Variants in ZNF618 observed in about 807,000 individuals in gnomAD.
The protein encoded by ZNF618 is neural precursor cell expressed, developmentally down-regulated 10.
ZNF618 carries 34 observed loss-of-function variants against 103.0 expected under a neutral mutation model. The observed-to-expected ratio is 0.33, with a 90% confidence interval of 0.25 to 0.44. The LOEUF (loss-of-function observed/expected upper bound fraction) is 0.44. ZNF618 is among the 20% of genes least tolerant of loss of function. ZNF618 has a pLI of 1.00. For missense variants in ZNF618, 1,059 were observed against 1,295.4 expected, an observed-to-expected ratio of 0.82 and a Z score of 2.80; for synonymous variants, 551 against 542.2, an observed-to-expected ratio of 1.02 and a Z score of -0.23.
chr9:114,010,352 A>G (rs949055538), intron 9 of ZNF618, among the ~76,000 whole-genome samples: 1 of 151,946 alleles, frequency 6.6e-6, no homozygotes, highest in African/African-American at 2.4e-5. Flanking sequence ...TCAGTGCTCA[A>G]ATACGAGAAG....
intron 1 of ZNF618, among the ~76,000 whole-genome samples, chr9:113,916,039 A>C (rs541338789): frequency 6.6e-6 from 1 of 151,880 alleles, no homozygotes; most frequent in East Asian, 1.9e-4. Context: ...TTGTGCTGAC[A>C]AAGGTGGGCC....
Position 113,998,269 on chromosome 9 carries a change from G to A in ZNF618, c.348G>A (p.Ala116=), listed in dbSNP as rs977285433. 3.4e-5 allele frequency: 53 copies of A among 1,550,398 alleles called. No homozygotes were observed. Among genetic ancestry groups the A allele is most frequent in the Non-Finnish European group, 4.0e-5 (46 of 1,146,972 alleles). ...VRNQQTLDGK[A]PEGSPHGGSV... ...TCTTACGTAATTCAGATGGAAAAGC[G>A]CCCGAAGGCAGCCCCCACGGTGGAT... Residue 116 remains alanine, a synonymous_variant, in exon 4 of 15, where the codon GCG becomes GCA. Transcript: ENST00000374126.
At position 114,000,584 on chromosome 9, in the gene ZNF618, C is replaced by G. The variant is rs557046213; in HGVS notation, c.434-1412C>G. 8.7e-5 allele frequency among the ~76,000 whole-genome samples: 7 copies of G among 80,358 alleles called. No homozygotes were observed. The East Asian group carries it at 3.8e-3, about 44-fold the overall frequency. 52.7% of individuals were successfully genotyped at this position (80,358 alleles called of 152,430 possible). A position where few individuals can be genotyped will look rare whatever the true frequency, so the allele number is the denominator to read the frequency against. Reference sequence around the variant, plus strand: ...GACCCAGGAAAACCAAAAGGTTGGACCCCCCTGAGCTAAGGGATAGCAGAG... The same window carrying G: ...GACCCAGGAAAACCAAAAGGTTGGAGCCCCCTGAGCTAAGGGATAGCAGAG... On this transcript the variant is annotated intron_variant, in intron 4 of 14. Transcript: ENST00000374126.
intron 1 of ZNF618, among the ~76,000 whole-genome samples, chr9:113,925,490 G>A (rs778435890): frequency 2.7e-5 from 4 of 146,732 alleles, no homozygotes; most frequent in Non-Finnish European, 6.0e-5. Flanking sequence ...CTTTTTATTG[G>A]CATTTAGACC....
intron 10 of ZNF618, among the ~76,000 whole-genome samples, chr9:114,021,882 ATTTT>A: frequency 6.6e-6 from 1 of 152,186 alleles, no homozygotes; most frequent in Middle Eastern, 3.4e-3. Context: ...CTGCATAATT[ATTTT>A]GAGATTCATC....
chr9:113,988,210 C>A (rs1219125885), intron 2 of ZNF618, 111 bp from the exon 3 acceptor site: 1 of 1,411,908 alleles, frequency 7.1e-7, no homozygotes, highest in Non-Finnish European at 9.3e-7. Flanking sequence ...GCCGGGGGCC[C>A]TAGAATTCAC....
intron 1 of ZNF618, among the ~76,000 whole-genome samples, chr9:113,881,250 G>A (rs1412287197): frequency 1.3e-5 from 2 of 152,166 alleles, no homozygotes; most frequent in Non-Finnish European, 2.9e-5. Flanking sequence ...CAAAAACACA[G>A]TCTGTATTTT....
intron 1 of ZNF618, among the ~76,000 whole-genome samples, chr9:113,951,702 G>C (rs1441140347): frequency 6.6e-6 from 1 of 151,628 alleles, no homozygotes; most frequent in Non-Finnish European, 1.5e-5. Context: ...GGCCTCTTGA[G>C]TACATAGTGG....
In ZNF618 at chr9:114,049,400, T is replaced by A; in HGVS notation, c.2098T>A (p.Ser700Thr). ...ACCCTGCTGGAACTCGGTGACGGAC[T>A]CACTGTTGCTGGTGCATGAGCGCTA... ...PPPCWNSVTD[S>T]LLLVHERYEQ... is the part of the protein sequence containing the mutation. The change falls in exon 15 of 15, where the codon TCA (serine) becomes ACA (threonine). Residue 700 changes from serine (S) to threonine (T), a missense_variant. Around this residue, in one of 6 missense-constraint regions of ZNF618, gnomAD observed 272 missense variants for 380.1 expected, o/e 0.72. Transcript: ENST00000374126. The A allele has an allele frequency of 1.2e-6, 2 of 1,603,872 alleles. No individual in the cohort carries two copies. The highest frequency in any genetic ancestry group is 1.7e-6 in the Non-Finnish European group (2 of 1,175,414).
chr9:113,946,952 C>T (rs1238506956), intron 1 of ZNF618, among the ~76,000 whole-genome samples: 1 of 152,132 alleles, frequency 6.6e-6, no homozygotes, highest in Admixed American at 6.5e-5. Flanking sequence ...TGAGGTGGTT[C>T]TGGGAAAGCC....
intron 1 of ZNF618, among the ~76,000 whole-genome samples, chr9:113,954,599 C>T (rs1185493981): frequency 1.3e-5 from 2 of 152,186 alleles, no homozygotes; most frequent in Admixed American, 6.5e-5. Flanking sequence ...CTCAGGTGGA[C>T]TCTTTGGTTA....
intron 1 of ZNF618, among the ~76,000 whole-genome samples, chr9:113,951,501 A>ACACATGTATGTGTGTGTG (rs1835697857): frequency 8.5e-5 from 6 of 70,842 alleles, no homozygotes; most frequent in Non-Finnish European, 2.9e-5. Context: ...GTGTATGTGT[A>ACACATGTATGTGTGTGTG]CACATATATG....
chr9:114,054,984 A>C lies in ZNF618; in HGVS notation c.*4817A>C, dbSNP rs966640554. 5 of 128,580 alleles carry C rather than the reference A, an allele frequency of 3.9e-5. No individual in the cohort carries two copies. Among genetic ancestry groups the C allele is most frequent in the Admixed American group, 1.9e-4 (2 of 10,366 alleles). 8.0% of individuals were successfully genotyped at this position (128,580 alleles called of 1,614,324 possible). A position where few individuals can be genotyped will look rare whatever the true frequency, so the allele number is the denominator to read the frequency against. On this transcript the variant is annotated 3_prime_UTR_variant, in exon 15 of 15. Transcript: ENST00000374126. ...CCACGGGTGTCGCTTTAAAGAGTCA[A>C]TTCTTGTACAGAGAAGGATTTGCTA...
At chr9:114,009,506 G>A (rs756260849) in intron 9 of ZNF618, among the ~76,000 whole-genome samples, 2 of 152,140 alleles carry the variant, frequency 1.3e-5, no homozygotes, top group Non-Finnish European at 2.9e-5. Flanking sequence ...GAGGGGCTGG[G>A]TGGCCAGCCC....
At position 114,048,058 on chromosome 9, in the gene ZNF618, C is replaced by T. The variant is rs760083982; in HGVS notation, c.1348+64C>T. Reference sequence around the variant, plus strand: ...TTATGCTCCAGTTGTTCCTCTCTGCCCCCCATTCCCACCATTTGTGCTTCC... The same window carrying T: ...TTATGCTCCAGTTGTTCCTCTCTGCTCCCCATTCCCACCATTTGTGCTTCC... On this transcript the variant is annotated intron_variant, in intron 14 of 14. Coordinates refer to ENST00000374126, the MANE Select transcript of ZNF618 (RefSeq NM_001318042.2). 5.2e-6 allele frequency: 7 copies of T among 1,350,244 alleles called. No homozygotes were observed. In the Admixed American group the frequency reaches 1.0e-4, roughly 20 times the overall value. 83.6% of individuals were successfully genotyped at this position (1,350,244 alleles called of 1,614,324 possible).
Position 114,034,902 on chromosome 9 carries a change from A to G in ZNF618, c.1169-1398A>G, listed in dbSNP as rs1208085587. ...CAAGGATGTCTTCTCACCAGTACTC[A>G]TGTGTCCTCACTCTTTCAGAGTGTA... is the stretch of plus-strand genomic sequence containing the variant. On this transcript the variant is annotated intron_variant, in intron 12 of 14. Transcript: ENST00000374126. 2.6e-5 allele frequency among the ~76,000 whole-genome samples: 4 copies of G among 152,208 alleles called. No homozygotes were observed. The East Asian group carries it at 7.7e-4, about 29-fold the overall frequency.
In ZNF618 at chr9:114,046,610, G is replaced by C. The variant is rs1291532263; in HGVS notation, c.1247-1283G>C. Among the ~76,000 whole-genome samples the C allele has an allele frequency of 3.3e-5, 5 of 152,310 alleles. No individual in the cohort carries two copies. In the East Asian group the frequency reaches 7.7e-4, roughly 23 times the overall value. On this transcript the variant is annotated intron_variant, in intron 13 of 14. Transcript: ENST00000374126. The stretch of plus-strand genomic sequence containing the variant: ...GAGTGAGAGTGAACATTCTTACCTT[G>C]TTCCTGATCTTAGGGAGAAAGCTTT...
intron 6 of ZNF618, among the ~76,000 whole-genome samples, chr9:114,004,878 G>T (rs1283972295): frequency 1.3e-5 from 2 of 152,174 alleles, no homozygotes; most frequent in Non-Finnish European, 2.9e-5. Context: ...TCTATTAACA[G>T]TTCTAGGACT....
At chr9:113,974,640 T>A (rs905228867) in intron 2 of ZNF618, among the ~76,000 whole-genome samples, 12 of 152,136 alleles carry the variant, frequency 7.9e-5, no homozygotes, top group African/African-American at 2.9e-4. Context: ...AAGGATTATG[T>A]GTAGCCTGCA....
Sources: allele counts gnomAD v4.1 joint callset (sites outside exome capture counted in the v4.1 genomes callset), GRCh38; gene constraint gnomAD v4.1.1; regional missense constraint gnomAD v4.1.1; transcripts MANE v1.5; gene names NCBI Gene and HGNC (gene_info 2026-07-23, HGNC 2026-07-21).